The following ABCC9 variants were observed in gnomAD, a reference collection of about 807,000 sequenced individuals.
ABCC9 encodes the protein ATP-binding cassette sub-family C member 9.
ABCC9 carries 95 observed loss-of-function variants against 188.3 expected under a neutral mutation model. That is an observed-to-expected ratio of 0.50 (90% CI 0.43 to 0.60). The LOEUF is 0.60. Ranked by LOEUF, ABCC9 falls within the 20% of genes least tolerant of loss-of-function variation. The probability of loss-of-function intolerance (pLI) is 0.00; values close to 1 mark genes in which losing one functional copy is unlikely to be tolerated. For missense variants in ABCC9, 1,102 were observed against 1,876.3 expected, an observed-to-expected ratio of 0.59 and a Z score of 7.62; for synonymous variants, 659 against 652.7, an observed-to-expected ratio of 1.01 and a Z score of -0.15.
chr12:21,859,002 T>C (rs1430346651), intron 22 of ABCC9, among the ~76,000 whole-genome samples: 1 of 152,140 alleles, frequency 6.6e-6, no homozygotes, highest in Non-Finnish European at 1.5e-5. Context: ...TATTTCTAGA[T>C]CCACAGCTAG....
At chr12:21,866,970 A>G (rs1360741330) in intron 18 of ABCC9, among the ~76,000 whole-genome samples, 1 of 152,194 alleles carries the variant, frequency 6.6e-6, no homozygotes, top group Non-Finnish European at 1.5e-5. Flanking sequence ...GACATTTATA[A>G]GAGAAAAGGG....
In ABCC9 at chr12:21,805,465, G is replaced by C. The variant is rs829060; in HGVS notation, c.4512+533C>G. On this transcript the variant is annotated intron_variant, in intron 39 of 39. Transcript: ENST00000261200. The stretch of plus-strand genomic sequence containing the variant: ...CAGAAAACTGTGGACTACTGTAAGT[G>C]AGCTATAACGTGAATTACAAATATT... 0.23 allele frequency among the ~76,000 whole-genome samples: 34,484 copies of C among 152,066 alleles called. 4,305 individuals carry two copies. The highest frequency in any genetic ancestry group is 0.32 in the Middle Eastern group (94 of 294).
At chr12:21,836,522 T>G (rs1257625396) in intron 30 of ABCC9, among the ~76,000 whole-genome samples, 6 of 152,204 alleles carry the variant, frequency 3.9e-5, no homozygotes, top group Non-Finnish European at 8.8e-5. Context: ...ATTCAAAGAT[T>G]TGTTATTCAA....
chr12:21,936,436 C>T, intron 3 of ABCC9, 97 bp downstream of exon 3: 2 of 1,084,254 alleles, frequency 1.8e-6, no homozygotes, highest in Non-Finnish European at 2.7e-6. Context: ...CATCAGCTTC[C>T]ATGTTACAGA....
At chr12:21,831,925 A>C (rs1490661327) in intron 30 of ABCC9, among the ~76,000 whole-genome samples, 1 of 151,932 alleles carries the variant, frequency 6.6e-6, no homozygotes. Flanking sequence ...AACACTTTTG[A>C]CTCTTCCTCT....
In ABCC9 at chr12:21,798,934, C is replaced by T; in HGVS notation, c.*2110G>A. 6.7e-6 allele frequency: 1 copy of T among 149,202 alleles called. No homozygotes were observed. The highest frequency in any genetic ancestry group is 1.5e-5 in the Non-Finnish European group (1 of 67,412). The allele number at this position is 149,202 out of a possible 1,614,324, so 9.2% of individuals were successfully genotyped here. On this transcript the variant is annotated 3_prime_UTR_variant, in exon 40 of 40. Transcript: ENST00000261200. Reference sequence around the variant, plus strand: ...ATGCAGCCATACAAAATGATGAGTTCATGTCCTTTGTAGGGACATGGATGA... The same window carrying T: ...ATGCAGCCATACAAAATGATGAGTTTATGTCCTTTGTAGGGACATGGATGA...
intron 15 of ABCC9, among the ~76,000 whole-genome samples, chr12:21,884,912 A>AT (rs1426562311): frequency 6.6e-6 from 1 of 152,096 alleles, no homozygotes; most frequent in African/African-American, 2.4e-5. Context: ...GGCTAAGTAT[A>AT]TTTTCCATAC....
intron 4 of ABCC9, among the ~76,000 whole-genome samples, chr12:21,926,638 T>G (rs1434204410): frequency 6.6e-6 from 1 of 151,818 alleles, no homozygotes; most frequent in Non-Finnish European, 1.5e-5. Context: ...TGTGAGAACA[T>G]AGAGTGCACG....
rs759346166 is a variant in ABCC9, at chr12:21,913,069, G to T, written c.817-3C>A. 6.6e-7 allele frequency: 1 copy of T among 1,512,468 alleles called. No individual in the cohort carries two copies. 93.7% of individuals were successfully genotyped at this position (1,512,468 alleles called of 1,614,324 possible). ...TTTGGATGATCTGCAACTTTTTTCT[G>T]AAGAAAAAAAAAAGAAAAAAAAAAC... On this transcript the variant is annotated splice_polypyrimidine_tract_variant and splice_region_variant and intron_variant, in intron 7 of 39. Coordinates refer to ENST00000261200, the MANE Select transcript of ABCC9 (RefSeq NM_020297.4).
chr12:21,882,594 T>C (rs932123867), intron 16 of ABCC9, among the ~76,000 whole-genome samples, 172 bp downstream of exon 16: 2 of 152,146 alleles, frequency 1.3e-5, no homozygotes, highest in Middle Eastern at 3.2e-3. Flanking sequence ...GGTTGGGAGA[T>C]GAGGAAGAAC....
chr12:21,824,720 G>T (rs1228970613), intron 31 of ABCC9, among the ~76,000 whole-genome samples: 1 of 152,152 alleles, frequency 6.6e-6, no homozygotes, highest in Non-Finnish European at 1.5e-5. Context: ...TTAGTCTTGG[G>T]AGGGTGTGTG....
Position 21,806,074 on chromosome 12 carries a change from A to AG in ABCC9, c.4450-15_4450-14insC. The AG allele has an allele frequency of 6.2e-7, 1 of 1,612,176 alleles. No homozygotes were observed. The highest frequency in any genetic ancestry group is 8.5e-7 in the Non-Finnish European group (1 of 1,178,876). On this transcript the variant is annotated splice_polypyrimidine_tract_variant and intron_variant, in intron 38 of 39. Coordinates refer to ENST00000261200, the MANE Select transcript of ABCC9 (RefSeq NM_020297.4). The stretch of plus-strand genomic sequence containing the variant: ...CAAAATATTCTCCTGCAAAAAAAAA[A>AG]AAGTGTAAATTTTCTCGGGATTACT...
At chr12:21,842,665 CGTT>C (rs1352969144) in intron 28 of ABCC9, among the ~76,000 whole-genome samples, 194 bp from the exon 29 acceptor site, 2 of 152,096 alleles carry the variant, frequency 1.3e-5, no homozygotes, top group Non-Finnish European at 2.9e-5. Flanking sequence ...ATCAACATGT[CGTT>C]GATTAGTTGT....
intron 35 of ABCC9, among the ~76,000 whole-genome samples, chr12:21,813,007 A>G (rs1360344507): frequency 6.6e-6 from 1 of 152,108 alleles, no homozygotes; most frequent in Non-Finnish European, 1.5e-5. Flanking sequence ...TCCTTCTAGT[A>G]TTCCCTTTAT....
chr12:21,868,435 C>A (rs1965033), intron 18 of ABCC9, among the ~76,000 whole-genome samples: 44,983 of 151,982 alleles, frequency 0.3, 7,604 homozygotes, highest in Middle Eastern at 0.44. Flanking sequence ...GTCAGGAGAT[C>A]GAGACCATCC....
At chr12:21,855,422 A>G (rs550412233) in intron 22 of ABCC9, among the ~76,000 whole-genome samples, 1 of 152,128 alleles carries the variant, frequency 6.6e-6, no homozygotes, top group African/African-American at 2.4e-5. Context: ...GGGTTTCACC[A>G]TGTTGGTCAG....
chr12:21,805,976 A>C, intron 39 of ABCC9, 22 bp downstream of exon 39: 2 of 1,612,790 alleles, frequency 1.2e-6, no homozygotes, highest in Middle Eastern at 1.7e-4. Flanking sequence ...GAGGTATACC[A>C]ACTCCGTCTT....
chr12:21,848,883 A>G (rs985023794), intron 24 of ABCC9, among the ~76,000 whole-genome samples: 1 of 152,142 alleles, frequency 6.6e-6, no homozygotes, highest in Non-Finnish European at 1.5e-5. Context: ...AAACGTGCCA[A>G]AAACAAACTT....
intron 22 of ABCC9, among the ~76,000 whole-genome samples, chr12:21,855,339 C>T (rs1310175287): frequency 1.3e-5 from 2 of 152,196 alleles, no homozygotes; most frequent in South Asian, 2.1e-4. Context: ...TCTGCCTCAG[C>T]CTCCCAACTT....
Sources: allele counts gnomAD v4.1 joint callset (sites outside exome capture counted in the v4.1 genomes callset), GRCh38; gene constraint gnomAD v4.1.1; transcripts MANE v1.5; gene names NCBI Gene and HGNC (gene_info 2026-07-23, HGNC 2026-07-21).